Variants in MYO5C observed in about 807,000 individuals in gnomAD.
MYO5C encodes myosin VC, also known as unconventional myosin-Vc.
A neutral mutation model predicts 235.7 loss-of-function variants in MYO5C; 194 were observed. The ratio of observed to expected loss-of-function variants is 0.82; its 90% CI spans 0.73 to 0.93. The LOEUF is 0.93. Among genes scored for constraint, MYO5C ranks in the 40% least tolerant of loss-of-function variants. The pLI is 0.00. For synonymous variants in MYO5C, 707 were observed against 754.8 expected (o/e 0.94, Z 1.04); for missense variants, 2,038 against 2,127.2 (o/e 0.96, Z 0.82).
intron 38 of MYO5C, among the ~76,000 whole-genome samples, chr15:52,204,510 T>C (rs1027047895): frequency 6.6e-6 from 1 of 152,088 alleles, no homozygotes; most frequent in Non-Finnish European, 1.5e-5. Context: ...AGGGATCATA[T>C]CGACTTTTCC....
intron 1 of MYO5C, 77 bp downstream of exon 1, chr15:52,295,533 C>T (rs2037483162): frequency 6.8e-6 from 10 of 1,472,902 alleles, no homozygotes; most frequent in Admixed American, 2.3e-5. Flanking sequence ...CAGGTGTGGC[C>T]CGGGCGCCAG....
rs1257537697 is a variant in MYO5C, at chr15:52,269,768, T to C, written c.925A>G (p.Thr309Ala). The change falls in exon 8 of 41, where the codon ACC becomes GCC. Residue 309 changes from threonine (T) to alanine (A), a missense_variant. By Grantham distance (58) the Thr-to-Ala change is moderately conservative. Transcript: ENST00000261839. ...DRAEMVETQK[T>A]FTLLGFKEDF... Reference sequence around the variant, plus strand: ...TTTCCCTTACCCAGAAGCGTGAAGGTCTTTTGAGTCTCTACCATTTCAGCT... The same window carrying C: ...TTTCCCTTACCCAGAAGCGTGAAGGCCTTTTGAGTCTCTACCATTTCAGCT... The C allele has an allele frequency of 6.2e-7, 1 of 1,609,692 alleles. No homozygotes were observed. The highest frequency in any genetic ancestry group is 1.7e-5 in the Admixed American group (1 of 59,930).
At position 52,229,253 on chromosome 15, in the gene MYO5C, C is replaced by A; in HGVS notation, c.3087G>T (p.Leu1029Phe). 1 of 1,614,236 alleles carries A rather than the reference C, an allele frequency of 6.2e-7. No homozygotes were observed. Residue 1029 changes from leucine to phenylalanine, a missense_variant, in exon 25 of 41, where the codon TTG (leucine) becomes TTT (phenylalanine). Leu to Phe is a conservative substitution (Grantham distance 22, BLOSUM62 0). Coordinates refer to ENST00000261839, the MANE Select transcript of MYO5C (RefSeq NM_018728.4). ...TQDYEKQIQSLKEEIKALKDE... is the reference protein window; with the variant it reads ...TQDYEKQIQSFKEEIKALKDE... The stretch of plus-strand genomic sequence containing the variant: ...CCTTGAGAGCTTTAATTTCTTCTTT[C>A]AAAGACTGAATCTGCTTCTCATAGT...
rs1473796977 is a variant in MYO5C at position 52,194,069 on chromosome 15, A to T, written c.5077-15T>A. ...TTTAGGAGAGCCTGAAATTAGAATC[A>T]GAGGAAAAATGAGTAAGGAAACTAA... is the stretch of plus-strand genomic sequence containing the variant. On this transcript the variant is annotated splice_polypyrimidine_tract_variant and intron_variant, in intron 40 of 40. Coordinates refer to ENST00000261839, the MANE Select transcript of MYO5C (RefSeq NM_018728.4). 1 of 1,605,426 alleles carries T rather than the reference A, an allele frequency of 6.2e-7. No individual in the cohort carries two copies. The highest frequency in any genetic ancestry group is 2.2e-5 in the East Asian group (1 of 44,660).
chr15:52,281,750 A>C (rs2037166403), intron 2 of MYO5C, among the ~76,000 whole-genome samples: 1 of 152,218 alleles, frequency 6.6e-6, no homozygotes, highest in African/African-American at 2.4e-5. Flanking sequence ...GTGTGTCTTT[A>C]ACCGCTGTGT....
chr15:52,258,801 C>T, intron 10 of MYO5C, among the ~76,000 whole-genome samples: 1 of 152,322 alleles, frequency 6.6e-6, no homozygotes, highest in East Asian at 1.9e-4. Context: ...TTTACTCTAA[C>T]AAGTCTTTGT....
At chr15:52,262,116 C>A (rs1484547897) in intron 9 of MYO5C, among the ~76,000 whole-genome samples, 2 of 152,124 alleles carry the variant, frequency 1.3e-5, no homozygotes, top group Admixed American at 6.5e-5. Context: ...GAGTCAAAAA[C>A]AATTCAGCTG....
At position 52,201,297 on chromosome 15, in the gene MYO5C, T is replaced by C. The variant is rs867171958; in HGVS notation, c.4820+3568A>G. Reference sequence around the variant, plus strand: ...CTTAAAAGTAATCAGCGAAAAATTATGCATTATTTATGGGGAATAATTCAA... The same window carrying C: ...CTTAAAAGTAATCAGCGAAAAATTACGCATTATTTATGGGGAATAATTCAA... On this transcript the variant is annotated intron_variant, in intron 38 of 40. Transcript: ENST00000261839. Among the ~76,000 whole-genome samples the C allele has an allele frequency of 9.8e-5, 15 of 152,306 alleles. 2 individuals are homozygous for C. Among genetic ancestry groups the C allele is most frequent in the Middle Eastern group, 6.8e-3 (2 of 294 alleles).
chr15:52,229,950 G>A (rs1445877341), intron 24 of MYO5C, among the ~76,000 whole-genome samples: 1 of 151,576 alleles, frequency 6.6e-6, no homozygotes, highest in Admixed American at 6.6e-5. Flanking sequence ...CAGTCCCCTG[G>A]AAGGGCCAGT....
At chr15:52,277,731 A>C (rs1596225511) in intron 4 of MYO5C, 3 of 405,786 alleles carry the variant, frequency 7.4e-6, no homozygotes, top group Non-Finnish European at 1.5e-5. Flanking sequence ...TGACGGCCCC[A>C]CCCCAGGGAC....
In MYO5C at chr15:52,261,129, T is replaced by C. The variant is rs1362097706; in HGVS notation, c.1048-2A>G. 1 of 1,612,988 alleles carries C rather than the reference T, an allele frequency of 6.2e-7. No homozygotes were observed. Among genetic ancestry groups the C allele is most frequent in the Non-Finnish European group, 8.5e-7 (1 of 1,179,408 alleles). On this transcript the variant is annotated splice_acceptor_variant, in intron 9 of 40. Transcript: ENST00000261839. LOFTEE classifies it high-confidence loss of function. ...CACCTTCAGGTGACTGTCATCCTCC[T>C]TCAAAAACAAGCACAAGCCCCGTCA...
chr15:52,275,809 GGGAAA>G, intron 4 of MYO5C, 91 bp from the exon 5 acceptor site: 7 of 1,270,168 alleles, frequency 5.5e-6, no homozygotes, highest in Non-Finnish European at 6.7e-6. Flanking sequence ...AGACAAAAGA[GGGAAA>G]CTGTTTTGTC....
intron 23 of MYO5C, among the ~76,000 whole-genome samples, chr15:52,234,799 C>T (rs181675389): frequency 5.9e-5 from 9 of 152,286 alleles, no homozygotes; most frequent in Middle Eastern, 3.4e-3. Flanking sequence ...TCCCACTCTC[C>T]GCCCTGAACT....
chr15:52,226,156 G>A (rs376734368), intron 25 of MYO5C, among the ~76,000 whole-genome samples: 83 of 152,222 alleles, frequency 5.5e-4, no homozygotes, highest in Non-Finnish European at 5.6e-4. Flanking sequence ...GTAAAATCAC[G>A]GGCTAAAATT....
intron 1 of MYO5C, among the ~76,000 whole-genome samples, chr15:52,290,577 TAC>T (rs2037366439): frequency 6.7e-6 from 1 of 148,686 alleles, no homozygotes; most frequent in African/African-American, 2.5e-5. Flanking sequence ...AACCTGTCAC[TAC>T]ACAGTCATAA....
chr15:52,194,068 C>A lies in MYO5C; in HGVS notation c.5077-14G>T, dbSNP rs766704017. On this transcript the variant is annotated splice_polypyrimidine_tract_variant and intron_variant, in intron 40 of 40. Coordinates refer to ENST00000261839, the MANE Select transcript of MYO5C (RefSeq NM_018728.4). ...ATTTAGGAGAGCCTGAAATTAGAAT[C>A]AGAGGAAAAATGAGTAAGGAAACTA... 3 of 1,602,858 alleles carry A rather than the reference C, an allele frequency of 1.9e-6. No individual in the cohort carries two copies. Among genetic ancestry groups the A allele is most frequent in the South Asian group, 2.3e-5 (2 of 88,206 alleles).
intron 1 of MYO5C, among the ~76,000 whole-genome samples, chr15:52,291,218 C>G (rs1050140123): frequency 2.6e-5 from 4 of 152,162 alleles, no homozygotes; most frequent in Middle Eastern, 3.2e-3. Context: ...GAGAATAGTG[C>G]CACTAAAATG....
At chr15:52,241,673 C>T (rs2036225515) in intron 20 of MYO5C, among the ~76,000 whole-genome samples, 1 of 152,100 alleles carries the variant, frequency 6.6e-6, no homozygotes, top group South Asian at 2.1e-4. Context: ...ATGTACTTTC[C>T]TTTGGTGTGG....
chr15:52,255,953 G>A (rs1255339240), intron 11 of MYO5C, among the ~76,000 whole-genome samples: 1 of 152,114 alleles, frequency 6.6e-6, no homozygotes, highest in Non-Finnish European at 1.5e-5. Context: ...TTGTTAGTTA[G>A]GAAGGTACCA....
Sources: gnomAD v4.1 joint callset for allele counts (sites outside exome capture counted in the v4.1 genomes callset) on GRCh38, gnomAD v4.1.1 for gene constraint, MANE v1.5 for transcripts, NCBI Gene and HGNC (gene_info 2026-07-23, HGNC 2026-07-21) for gene names.